Variants in EYS observed in about 807,000 individuals in gnomAD.
EYS encodes the protein protein eyes shut homolog.
In EYS, 250 loss-of-function variants were observed where a neutral mutation model predicts 282.1. The ratio of observed to expected loss-of-function variants is 0.89; its 90% CI spans 0.80 to 0.98. The LOEUF is 0.98. EYS is among the 50% of genes least tolerant of loss of function. EYS has a pLI of 0.00. For synonymous variants in EYS, 1,355 were observed against 1,282.9 expected (o/e 1.06, Z -1.20); for missense variants, 4,016 against 3,709.0 (o/e 1.08, Z -2.15).
At chr6:65,662,336 C>G (rs1480905240) in intron 1 of EYS, among the ~76,000 whole-genome samples, 1 of 152,090 alleles carries the variant, frequency 6.6e-6, no homozygotes, top group East Asian at 1.9e-4. Flanking sequence ...AATGTCCAAT[C>G]TCATATCAGC....
intron 33 of EYS, among the ~76,000 whole-genome samples, chr6:64,001,059 G>A (rs551546201): frequency 2.0e-4 from 30 of 152,188 alleles, no homozygotes; most frequent in Non-Finnish European, 3.7e-4. Flanking sequence ...CTCAAGTATT[G>A]CTGAGGCCAG....
At chr6:63,861,312 C>T (rs1772524911) in intron 36 of EYS, among the ~76,000 whole-genome samples, 1 of 152,184 alleles carries the variant, frequency 6.6e-6, no homozygotes, top group African/African-American at 2.4e-5. Context: ...AATATTATAT[C>T]TCCAGAAGAG....
intron 31 of EYS, among the ~76,000 whole-genome samples, chr6:64,167,065 G>A (rs1468124492): frequency 6.6e-6 from 1 of 152,270 alleles, no homozygotes; most frequent in South Asian, 2.1e-4. Flanking sequence ...ATGTCCTGCT[G>A]GCTGGTCCAA....
intron 19 of EYS, among the ~76,000 whole-genome samples, chr6:64,831,302 T>C (rs1765206691): frequency 6.6e-6 from 1 of 151,996 alleles, no homozygotes; most frequent in African/African-American, 2.4e-5. Context: ...ATGTATATCA[T>C]TAATAAAAAT....
intron 33 of EYS, among the ~76,000 whole-genome samples, chr6:64,043,663 C>T (rs1001088307): frequency 5.9e-5 from 9 of 152,288 alleles, no homozygotes; most frequent in African/African-American, 2.2e-4. Flanking sequence ...CTTGAGGGTA[C>T]AGAGAAGAAG....
At chr6:63,783,722 A>G (rs1446698214) in intron 39 of EYS, among the ~76,000 whole-genome samples, 2 of 152,152 alleles carry the variant, frequency 1.3e-5, no homozygotes, top group African/African-American at 4.8e-5. Flanking sequence ...TTCCAGGCAA[A>G]TGGAATTTGA....
intron 12 of EYS, among the ~76,000 whole-genome samples, chr6:65,149,305 G>T (rs537779897): frequency 3.3e-5 from 5 of 152,062 alleles, no homozygotes; most frequent in Non-Finnish European, 5.9e-5. Context: ...CAAGTTCAAA[G>T]TTCCACAGAT....
chr6:65,159,413 AG>A (rs1764800265), intron 12 of EYS, among the ~76,000 whole-genome samples: 1 of 150,906 alleles, frequency 6.6e-6, no homozygotes, highest in Non-Finnish European at 1.5e-5. Flanking sequence ...TGCATTTAAT[AG>A]GCCAATGACA....
At chr6:65,374,508 T>C (rs1765284058) in intron 8 of EYS, among the ~76,000 whole-genome samples, 1 of 149,822 alleles carries the variant, frequency 6.7e-6, no homozygotes, top group Non-Finnish European at 1.5e-5. Flanking sequence ...CGGAGTTTTT[T>C]TTTTTTTCGT....
chr6:64,032,915 A>G (rs924599961), intron 33 of EYS, among the ~76,000 whole-genome samples: 2 of 152,188 alleles, frequency 1.3e-5, no homozygotes, highest in African/African-American at 2.4e-5. Context: ...GTTCCATTGC[A>G]TAATTGAGTA....
At chr6:65,606,854 T>C (rs917315038) in intron 2 of EYS, among the ~76,000 whole-genome samples, 1 of 148,384 alleles carries the variant, frequency 6.7e-6, no homozygotes, top group Non-Finnish European at 1.5e-5. Context: ...TTTTTTCTAA[T>C]ATCTGAGTTG....
At chr6:65,247,191 T>A (rs1187730700) in intron 12 of EYS, among the ~76,000 whole-genome samples, 1 of 152,052 alleles carries the variant, frequency 6.6e-6, no homozygotes, top group Non-Finnish European at 1.5e-5. Context: ...TCACTCTCTC[T>A]TGCTCACTCG....
chr6:64,182,230 T>C (rs893983041), intron 31 of EYS, among the ~76,000 whole-genome samples: 2 of 152,196 alleles, frequency 1.3e-5, no homozygotes, highest in African/African-American at 4.8e-5. Context: ...AATCATCATA[T>C]GGAATCTGTC....
At chr6:63,891,149 T>C (rs956476617) in intron 35 of EYS, among the ~76,000 whole-genome samples, 36 of 152,214 alleles carry the variant, frequency 2.4e-4, no homozygotes, top group Admixed American at 2.4e-3. Flanking sequence ...GGCCGAATTC[T>C]ACCAGAGGTA....
intron 35 of EYS, among the ~76,000 whole-genome samples, chr6:63,950,212 A>AAAACAAAAT (rs1765535580): frequency 6.6e-6 from 1 of 151,874 alleles, no homozygotes; most frequent in Non-Finnish European, 1.5e-5. Context: ...AAAAACAAAA[A>AAAACAAAAT]AAACAAAACC....
chr6:64,130,923 A>T (rs1178602499), intron 31 of EYS, among the ~76,000 whole-genome samples: 1 of 152,160 alleles, frequency 6.6e-6, no homozygotes, highest in Non-Finnish European at 1.5e-5. Context: ...GCTGGAGTGA[A>T]GTGGCGTGAT....
At chr6:65,317,630 C>T (rs563668256) in intron 11 of EYS, among the ~76,000 whole-genome samples, 3 of 152,242 alleles carry the variant, frequency 2.0e-5, no homozygotes, top group African/African-American at 7.2e-5. Flanking sequence ...TTCAACATCT[C>T]TCACAAAGTC....
At chr6:63,914,952 G>A (rs1243460652) in intron 35 of EYS, among the ~76,000 whole-genome samples, 1 of 152,162 alleles carries the variant, frequency 6.6e-6, no homozygotes, top group Non-Finnish European at 1.5e-5. Flanking sequence ...TCTCTATAAC[G>A]TTAAAGTGTA....
intron 35 of EYS, among the ~76,000 whole-genome samples, chr6:63,917,230 T>A (rs1764447392): frequency 6.6e-6 from 1 of 152,248 alleles, no homozygotes; most frequent in Non-Finnish European, 1.5e-5. Flanking sequence ...AGGGCCATCT[T>A]TCTGAAGGTC....
Sources: allele counts gnomAD v4.1 joint callset (sites outside exome capture counted in the v4.1 genomes callset), GRCh38; gene constraint gnomAD v4.1.1; transcripts MANE v1.5; gene names NCBI Gene and HGNC (gene_info 2026-07-23, HGNC 2026-07-21).